CD38: variants seen among roughly 807,000 people sequenced by gnomAD.
CD38 encodes the protein CD38 molecule, also known as ADP-ribosyl cyclase/cyclic ADP-ribose hydrolase 1.
Under a neutral mutation model 36.3 loss-of-function variants are expected in CD38, and 31 were observed. The observed-to-expected ratio is 0.85, with a 90% CI of 0.64 to 1.15. The LOEUF is 1.15. Ranked by LOEUF, CD38 falls within the 50% of genes most tolerant of loss-of-function variation. CD38 has a pLI of 0.00. For synonymous variants in CD38, 131 were observed against 135.2 expected, an observed-to-expected ratio of 0.97 and a Z score of 0.22; for missense variants, 380 against 371.9, an observed-to-expected ratio of 1.02 and a Z score of -0.18.
At chr4:15,793,496 A>G (rs1723048729) in intron 1 of CD38, among the ~76,000 whole-genome samples, 1 of 152,042 alleles carries the variant, frequency 6.6e-6, no homozygotes, top group African/African-American at 2.4e-5. Context: ...ATATGTGCAT[A>G]TATATTATTG....
chr4:15,790,430 G>A lies in CD38; in HGVS notation c.233+11783G>A, dbSNP rs540473892. ...TGACCGCGAGTGATCCGCCGGCCTC[G>A]GCCTCCCGAGGTGCCGGGATTGCGG... On this transcript the variant is annotated intron_variant, in intron 1 of 7. Coordinates refer to ENST00000226279, the MANE Select transcript of CD38 (RefSeq NM_001775.4). 8.2e-4 allele frequency among the ~76,000 whole-genome samples: 124 copies of A among 151,794 alleles called. No homozygotes were observed. In the South Asian group the frequency reaches 0.013, roughly 16 times the overall value.
intron 1 of CD38, among the ~76,000 whole-genome samples, chr4:15,786,700 C>A (rs6852944): frequency 6.6e-6 from 1 of 152,210 alleles, no homozygotes; most frequent in Non-Finnish European, 1.5e-5. Context: ...AGTCAGCAGG[C>A]GGAGCTGCCT....
At chr4:15,822,906 G>A (rs1723770621) in intron 2 of CD38, among the ~76,000 whole-genome samples, 1 of 152,102 alleles carries the variant, frequency 6.6e-6, no homozygotes, top group African/African-American at 2.4e-5. Flanking sequence ...AAAGCTGGAG[G>A]CATCGTGCTA....
At chr4:15,797,276 C>G (rs775821293) in intron 1 of CD38, among the ~76,000 whole-genome samples, 1 of 152,056 alleles carries the variant, frequency 6.6e-6, no homozygotes, top group East Asian at 1.9e-4. Context: ...TGAGATTTAC[C>G]CATGCTAATA....
chr4:15,829,538 T>C (rs1723918995), intron 3 of CD38, among the ~76,000 whole-genome samples: 1 of 152,220 alleles, frequency 6.6e-6, no homozygotes, highest in Non-Finnish European at 1.5e-5. Flanking sequence ...TAAGAAAGTT[T>C]ATGAATTGAA....
intron 2 of CD38, among the ~76,000 whole-genome samples, chr4:15,820,506 A>G (rs571357197): frequency 6.6e-6 from 1 of 152,316 alleles, no homozygotes; most frequent in Non-Finnish European, 1.5e-5. Context: ...TTACCAAGCA[A>G]ATGGGAAACA....
intron 5 of CD38, among the ~76,000 whole-genome samples, chr4:15,838,647 TG>T (rs1350684853): frequency 6.6e-6 from 1 of 152,238 alleles, no homozygotes; most frequent in Non-Finnish European, 1.5e-5. Context: ...CATCGGGAAC[TG>T]TGCTGGGCTC....
intron 1 of CD38, among the ~76,000 whole-genome samples, chr4:15,805,646 C>A (rs1410785031): frequency 1.3e-5 from 2 of 152,202 alleles, no homozygotes; most frequent in African/African-American, 4.8e-5. Flanking sequence ...GTGTTTCTAG[C>A]ACCTAGTATT....
At chr4:15,834,799 A>T (rs1325111804) in intron 4 of CD38, among the ~76,000 whole-genome samples, 2 of 152,212 alleles carry the variant, frequency 1.3e-5, no homozygotes, top group Non-Finnish European at 2.9e-5. Flanking sequence ...AATGTACAGA[A>T]TTAGTAAGAG....
intron 1 of CD38, among the ~76,000 whole-genome samples, chr4:15,786,431 G>T (rs1206784487): frequency 1.3e-5 from 2 of 152,186 alleles, no homozygotes; most frequent in East Asian, 3.8e-4. Flanking sequence ...ATAGAGTGCT[G>T]ATTGGTGTAT....
At chr4:15,781,655 A>G (rs1377414654) in intron 1 of CD38, among the ~76,000 whole-genome samples, 1 of 152,214 alleles carries the variant, frequency 6.6e-6, no homozygotes, top group East Asian at 1.9e-4. Flanking sequence ...ATGAAGGGTA[A>G]CATGCTTTAC....
chr4:15,791,113 G>A lies in CD38; in HGVS notation c.233+12466G>A, dbSNP rs1423082114. On this transcript the variant is annotated intron_variant, in intron 1 of 7. Coordinates refer to ENST00000226279, the MANE Select transcript of CD38 (RefSeq NM_001775.4). ...AGGTGAGGGGCTCCTCTGCCCGGCC[G>A]CCCCTACTGGGAAGTGAGGAGCCCC... 1.3e-4 allele frequency among the ~76,000 whole-genome samples: 16 copies of A among 120,630 alleles called. No homozygotes were observed. The East Asian group carries it at 1.5e-3, about 11-fold the overall frequency. The allele number at this position is 120,630 out of a possible 152,430, so 79.1% of individuals were successfully genotyped here.
chr4:15,782,912 T>C (rs986413501), intron 1 of CD38, among the ~76,000 whole-genome samples: 1 of 152,158 alleles, frequency 6.6e-6, no homozygotes, highest in African/African-American at 2.4e-5. Flanking sequence ...TGCCACAGTA[T>C]AGTAGTAAGG....
intron 4 of CD38, among the ~76,000 whole-genome samples, chr4:15,836,547 A>G (rs1724073328): frequency 6.6e-6 from 1 of 152,220 alleles, no homozygotes; most frequent in South Asian, 2.1e-4. Context: ...TAGTGTGACA[A>G]ATCCCTACAT....
intron 1 of CD38, among the ~76,000 whole-genome samples, chr4:15,782,269 C>T (rs761434858): frequency 1.3e-5 from 2 of 152,290 alleles, no homozygotes; most frequent in South Asian, 2.1e-4. Context: ...CCGGACCAGC[C>T]CAGATTCAAA....
At chr4:15,812,728 G>A (rs1261413677) in intron 1 of CD38, among the ~76,000 whole-genome samples, 2 of 151,920 alleles carry the variant, frequency 1.3e-5, no homozygotes, top group Non-Finnish European at 2.9e-5. Context: ...ACAATATTAA[G>A]TCTCCTGATC....
At chr4:15,847,911 TGTACAGACA>T (rs1297211079) in intron 7 of CD38, among the ~76,000 whole-genome samples, 2 of 152,188 alleles carry the variant, frequency 1.3e-5, no homozygotes, top group Non-Finnish European at 2.9e-5. Flanking sequence ...CATTTGGACT[TGTACAGACA>T]GTGGCCCATA....
intron 1 of CD38, among the ~76,000 whole-genome samples, chr4:15,808,709 G>A (rs1723398911): frequency 6.6e-6 from 1 of 152,206 alleles, no homozygotes; most frequent in Non-Finnish European, 1.5e-5. Flanking sequence ...AGGAATTATA[G>A]TTGAACAGTT....
chr4:15,804,286 T>G (rs148799774), intron 1 of CD38, among the ~76,000 whole-genome samples: 21 of 152,300 alleles, frequency 1.4e-4, no homozygotes, highest in African/African-American at 4.3e-4. Flanking sequence ...CCACCAACAG[T>G]GTATAAGCGA....
Sources: gnomAD v4.1 joint callset for allele counts (sites outside exome capture counted in the v4.1 genomes callset) on GRCh38, gnomAD v4.1.1 for gene constraint, MANE v1.5 for transcripts, NCBI Gene and HGNC (gene_info 2026-07-23, HGNC 2026-07-21) for gene names.